Variants in KANK1 observed in about 807,000 individuals in gnomAD.
KANK1 encodes KN motif and ankyrin repeat domain-containing protein 1.
KANK1 carries 109 observed loss-of-function variants against 106.2 expected under a neutral mutation model. The observed-to-expected ratio is 1.03, with a 90% CI of 0.88 to 1.20. KANK1 has a LOEUF of 1.20. Among genes scored for constraint, KANK1 ranks in the 50% most tolerant of loss-of-function variants. The probability of loss-of-function intolerance (pLI) is 0.00; values close to 1 mark genes in which losing one functional copy is unlikely to be tolerated. For synonymous variants in KANK1, 873 were observed against 652.2 expected, an observed-to-expected ratio of 1.34 and a Z score of -5.16; for missense variants, 2,399 against 1,710.7, an observed-to-expected ratio of 1.40 and a Z score of -7.10.
In KANK1 at chr9:624,430, T is replaced by C. The variant is rs143425674; in HGVS notation, c.-83-52460T>C. On this transcript the variant is annotated intron_variant, in intron 1 of 11. Transcript: ENST00000382297. ...TATCAAATAATCACATTGTATACTTTGAATACGTATAATTTCTATTAATTA... is the reference window on the plus strand; with the variant it reads ...TATCAAATAATCACATTGTATACTTCGAATACGTATAATTTCTATTAATTA... Among the ~76,000 whole-genome samples the C allele has an allele frequency of 1.7e-3, 262 of 152,308 alleles. 3 individuals carry two copies. Among genetic ancestry groups the C allele is most frequent in the African/African-American group, 6.1e-3 (252 of 41,544 alleles).
chr9:543,901 T>G (rs1292626044), intron 1 of KANK1, among the ~76,000 whole-genome samples: 1 of 152,230 alleles, frequency 6.6e-6, no homozygotes, highest in Admixed American at 6.5e-5. Flanking sequence ...CCATATCATA[T>G]CTCTTTAATC....
chr9:710,766 T>C (rs775655167), intron 2 of KANK1, 38 bp from the exon 3 acceptor site: 16 of 1,527,914 alleles, frequency 1.0e-5, no homozygotes, highest in South Asian at 7.9e-5. Flanking sequence ...ATTAGGTGTA[T>C]TGCATGTCAT....
chr9:704,334 C>G (rs76036038), intron 2 of KANK1, among the ~76,000 whole-genome samples: 3 of 152,196 alleles, frequency 2.0e-5, no homozygotes, highest in Admixed American at 1.3e-4. Context: ...TCTAGTACAT[C>G]GTTCCTCCAC....
chr9:556,406 A>G (rs1171338860), intron 1 of KANK1, among the ~76,000 whole-genome samples: 1 of 152,206 alleles, frequency 6.6e-6, no homozygotes, highest in Non-Finnish European at 1.5e-5. Flanking sequence ...CTACGTGGTG[A>G]GTCTTAGTCT....
chr9:678,989 A>C (rs1189387748), intron 2 of KANK1, among the ~76,000 whole-genome samples: 1 of 152,124 alleles, frequency 6.6e-6, no homozygotes, highest in East Asian at 1.9e-4. Flanking sequence ...TACCTACCCC[A>C]CTAATTCCTT....
upstream of KANK1, among the ~76,000 whole-genome samples, chr9:503,724 T>C (rs1405778417): frequency 6.6e-6 from 1 of 152,182 alleles, no homozygotes; most frequent in Non-Finnish European, 1.5e-5. Context: ...GTCCCTTCAG[T>C]TCCCAAGCTC....
At chr9:629,276 C>G (rs1230664088) in intron 1 of KANK1, among the ~76,000 whole-genome samples, 1 of 152,056 alleles carries the variant, frequency 6.6e-6, no homozygotes, top group Non-Finnish European at 1.5e-5. Flanking sequence ...CTTGCTCCCC[C>G]TCCCTCAGGC....
At chr9:719,134 TTTA>T (rs1200548197) in intron 3 of KANK1, among the ~76,000 whole-genome samples, 3 of 151,882 alleles carry the variant, frequency 2.0e-5, no homozygotes, top group African/African-American at 7.3e-5. Context: ...TAAATTTTTT[TTTA>T]TTATTATTTT....
intron 1 of KANK1, among the ~76,000 whole-genome samples, chr9:596,962 A>T (rs534716303): frequency 6.6e-6 from 1 of 151,832 alleles, no homozygotes; most frequent in Non-Finnish European, 1.5e-5. Context: ...TGAATTTACA[A>T]TTCTAGATAC....
At chr9:605,485 C>T (rs74801545) in intron 1 of KANK1, among the ~76,000 whole-genome samples, 2,041 of 151,590 alleles carry the variant, frequency 0.013, 105 homozygotes, top group African/African-American at 0.047. Flanking sequence ...TTTAAGAGCA[C>T]GTGGGAGGAA....
intron 1 of KANK1, among the ~76,000 whole-genome samples, chr9:561,862 A>G (rs1486224263): frequency 2.0e-5 from 3 of 152,200 alleles, no homozygotes; most frequent in Non-Finnish European, 4.4e-5. Context: ...AATACTGCAG[A>G]CGTTTTCTGT....
rs1332234078 is a variant in KANK1, at chr9:710,984, G to T, written c.218G>T (p.Cys73Phe). 6.2e-7 allele frequency: 1 copy of T among 1,614,050 alleles called. No individual in the cohort carries two copies. Among genetic ancestry groups the T allele is most frequent in the Non-Finnish European group, 8.5e-7 (1 of 1,180,032 alleles). The change falls in exon 3 of 12, where the codon TGC becomes TTC. Residue 73 changes from cysteine to phenylalanine, a missense_variant. Physicochemically the swap from Cys to Phe is radical, Grantham distance 205. Transcript: ENST00000382297. Reference sequence around the variant, plus strand: ...AAGAGGCGGAAGCCGTCCGTGCCATGCCCAGAACCCAGGACCACATCTGGT... The same window carrying T: ...AAGAGGCGGAAGCCGTCCGTGCCATTCCCAGAACCCAGGACCACATCTGGT... ...IQKRRKPSVP[C>F]PEPRTTSGQQ...
At chr9:529,316 G>C (rs1168257167) in intron 1 of KANK1, among the ~76,000 whole-genome samples, 1 of 149,008 alleles carries the variant, frequency 6.7e-6, no homozygotes, top group African/African-American at 2.5e-5. Context: ...TTGAGACGGA[G>C]TCTTGCTCTG....
intron 1 of KANK1, among the ~76,000 whole-genome samples, chr9:656,814 G>A (rs1436780287): frequency 1.3e-5 from 2 of 152,146 alleles, no homozygotes; most frequent in Non-Finnish European, 2.9e-5. Context: ...CTAAAGGATA[G>A]CAACATAAGG....
chr9:731,240 T>C lies in KANK1; in HGVS notation c.2979T>C (p.Asn993=). The change falls in exon 5 of 12, where the codon AAT becomes AAC. Residue 993 remains asparagine, a synonymous_variant. Transcript: ENST00000382297. The part of the protein sequence containing the change: ...GNKDSNGAKK[N]LQFVGINGGY... Reference sequence around the variant, plus strand: ...AAGATTCAAATGGCGCAAAAAAGAATCTTCAGTTTGTTGGCATTAATGGAG... The same window carrying C: ...AAGATTCAAATGGCGCAAAAAAGAACCTTCAGTTTGTTGGCATTAATGGAG... 1.2e-6 allele frequency: 2 copies of C among 1,608,234 alleles called. No homozygotes were observed. The highest frequency in any genetic ancestry group is 1.7e-6 in the Non-Finnish European group (2 of 1,174,986).
chr9:569,918 G>A (rs1172924615), intron 1 of KANK1, among the ~76,000 whole-genome samples: 9 of 151,498 alleles, frequency 5.9e-5, no homozygotes, highest in Admixed American at 2.6e-4. Context: ...ATCAGATTCC[G>A]TAACACTTGA....
intron 1 of KANK1, among the ~76,000 whole-genome samples, chr9:661,659 C>T (rs1300932313): frequency 6.6e-6 from 1 of 152,072 alleles, no homozygotes; most frequent in Non-Finnish European, 1.5e-5. Context: ...ATCACTGGGT[C>T]AAGTGGTATT....
intron 1 of KANK1, among the ~76,000 whole-genome samples, chr9:543,400 A>T (rs1333838373): frequency 6.6e-6 from 1 of 151,830 alleles, no homozygotes; most frequent in Non-Finnish European, 1.5e-5. Context: ...TATTAAAACT[A>T]CAAAAAAAAA....
At position 586,071 on chromosome 9, in the gene KANK1, G is replaced by T. The variant is rs532961506; in HGVS notation, c.-84+81317G>T. Among the ~76,000 whole-genome samples, 5 of 152,314 alleles carry T rather than the reference G, an allele frequency of 3.3e-5. No individual in the cohort carries two copies. The South Asian group carries it at 1.0e-3, about 32-fold the overall frequency. ...CAATATTGTTGAGTACCTGCTGTGT[G>T]ATCTGTAAGGCATAAGATGTCATTA... On this transcript the variant is annotated intron_variant, in intron 1 of 11. Transcript: ENST00000382297.
Sources: allele counts gnomAD v4.1 joint callset (sites outside exome capture counted in the v4.1 genomes callset), GRCh38; gene constraint gnomAD v4.1.1; transcripts MANE v1.5; gene names NCBI Gene and HGNC (gene_info 2026-07-23, HGNC 2026-07-21).